ARL15: variants seen among roughly 807,000 people sequenced by gnomAD.
ARL15 encodes the protein ADP-ribosylation factor-like protein 15.
Under a neutral mutation model 25.2 loss-of-function variants are expected in ARL15, and 19 were observed. The ratio of observed to expected loss-of-function variants is 0.75; its 90% CI spans 0.53 to 1.10. The LOEUF (loss-of-function observed/expected upper bound fraction) is 1.10. Among genes scored for constraint, ARL15 ranks in the 50% least tolerant of loss-of-function variants. The pLI, the probability that ARL15 is intolerant of heterozygous loss-of-function variation, is 0.00. For synonymous variants in ARL15, 94 were observed against 86.8 expected, an observed-to-expected ratio of 1.08 and a Z score of -0.46; for missense variants, 220 against 246.0, an observed-to-expected ratio of 0.89 and a Z score of 0.71.
At chr5:53,943,365 T>C (rs1028678678) in intron 4 of ARL15, among the ~76,000 whole-genome samples, 1 of 152,064 alleles carries the variant, frequency 6.6e-6, no homozygotes, top group Non-Finnish European at 1.5e-5. Context: ...GGGAGTGAGG[T>C]CATCCACTGA....
At chr5:54,065,838 T>TATAAA (rs10690793) in intron 4 of ARL15, among the ~76,000 whole-genome samples, 43,592 of 151,906 alleles carry the variant, frequency 0.29, 8,538 homozygotes, top group African/African-American at 0.56. Flanking sequence ...ATACAAATGT[T>TATAAA]ATGAGTTAAA....
At chr5:53,917,415 A>G (rs1017975306) in intron 4 of ARL15, among the ~76,000 whole-genome samples, 1 of 152,182 alleles carries the variant, frequency 6.6e-6, no homozygotes, top group Admixed American at 6.5e-5. Flanking sequence ...TTCTTCAGAA[A>G]TAGAAGCTCA....
chr5:53,959,804 C>G (rs529913902), intron 4 of ARL15, among the ~76,000 whole-genome samples: 11 of 152,254 alleles, frequency 7.2e-5, no homozygotes, highest in Non-Finnish European at 1.3e-4. Flanking sequence ...ACTGGCAACT[C>G]TCCTTCCTTT....
intron 2 of ARL15, among the ~76,000 whole-genome samples, chr5:54,166,974 C>A (rs1754591794): frequency 6.6e-6 from 1 of 152,142 alleles, no homozygotes; most frequent in South Asian, 2.1e-4. Context: ...ACCAGACAAC[C>A]ATCTGAGGTT....
intron 2 of ARL15, among the ~76,000 whole-genome samples, chr5:54,156,310 G>C (rs1404808468): frequency 1.3e-5 from 2 of 152,184 alleles, no homozygotes; most frequent in African/African-American, 2.4e-5. Flanking sequence ...CTGTGAATGT[G>C]GGCAACCTAC....
chr5:54,200,648 C>T (rs568411363), intron 1 of ARL15, among the ~76,000 whole-genome samples: 1 of 152,236 alleles, frequency 6.6e-6, no homozygotes, highest in East Asian at 1.9e-4. Context: ...GTTACCTGTA[C>T]TAGGGTTAGG....
intron 4 of ARL15, among the ~76,000 whole-genome samples, chr5:53,944,275 T>C (rs983368989): frequency 6.6e-6 from 1 of 152,114 alleles, no homozygotes; most frequent in Non-Finnish European, 1.5e-5. Context: ...GTTAAACAGC[T>C]TGAGCAAGAG....
chr5:54,271,340 C>A (rs1441316857), intron 1 of ARL15, among the ~76,000 whole-genome samples: 1 of 152,172 alleles, frequency 6.6e-6, no homozygotes, highest in Non-Finnish European at 1.5e-5. Context: ...GTATCAAAAT[C>A]CACAGATTCT....
intron 1 of ARL15, among the ~76,000 whole-genome samples, chr5:54,195,182 T>C (rs531629188): frequency 3.9e-5 from 6 of 152,304 alleles, no homozygotes; most frequent in African/African-American, 1.4e-4. Flanking sequence ...TAATGTACTA[T>C]GTACTTCACT....
chr5:53,893,729 A>G (rs956989005), intron 4 of ARL15, among the ~76,000 whole-genome samples: 2 of 152,242 alleles, frequency 1.3e-5, no homozygotes, highest in Non-Finnish European at 2.9e-5. Context: ...ACAGAGGCTC[A>G]TGAAGCCAGC....
At chr5:54,274,196 G>A (rs1310207450) in intron 1 of ARL15, among the ~76,000 whole-genome samples, 2 of 152,008 alleles carry the variant, frequency 1.3e-5, no homozygotes, top group African/African-American at 4.8e-5. Context: ...GCAGGTTTAG[G>A]GGCAGCAAGA....
At chr5:54,130,659 A>T (rs1254212981) in intron 3 of ARL15, among the ~76,000 whole-genome samples, 1 of 152,220 alleles carries the variant, frequency 6.6e-6, no homozygotes, top group Non-Finnish European at 1.5e-5. Flanking sequence ...ATTATTCTTC[A>T]AAAGTATCAT....
At position 54,113,430 on chromosome 5, in the gene ARL15, T is replaced by C. The variant is rs1752801553; in HGVS notation, c.254-20A>G. On this transcript the variant is annotated intron_variant, in intron 3 of 4. Transcript: ENST00000504924. ...CAGCCCCTGTCAAAAACAAAACAAA[T>C]TTTCGTTTTAAAAAGAGCTTTCAGC... 1.2e-6 allele frequency: 2 copies of C among 1,604,248 alleles called. No homozygotes were observed. The highest frequency in any genetic ancestry group is 1.1e-5 in the South Asian group (1 of 89,210).
intron 4 of ARL15, among the ~76,000 whole-genome samples, chr5:53,905,217 T>A (rs1203279444): frequency 6.6e-6 from 1 of 152,198 alleles, no homozygotes; most frequent in East Asian, 1.9e-4. Context: ...CATAAAAGCA[T>A]GTCCACTGTC....
At chr5:54,164,342 T>G in intron 2 of ARL15, among the ~76,000 whole-genome samples, 1 of 152,084 alleles carries the variant, frequency 6.6e-6, no homozygotes, top group African/African-American at 2.4e-5. Context: ...TGTCTTCTGT[T>G]GTTGGGTGGA....
intron 1 of ARL15, among the ~76,000 whole-genome samples, chr5:54,194,660 A>G (rs1224359902): frequency 4.3e-4 from 65 of 152,192 alleles, no homozygotes; most frequent in Non-Finnish European, 8.8e-5. Context: ...AAAAAGAAAC[A>G]TATAGCTTTG....
intron 4 of ARL15, among the ~76,000 whole-genome samples, chr5:53,991,017 T>G (rs1748471918): frequency 6.6e-6 from 1 of 152,214 alleles, no homozygotes; most frequent in South Asian, 2.1e-4. Flanking sequence ...AGTCTTTTCA[T>G]ATAGTCTAAT....
chr5:54,027,295 A>G (rs1238432914), intron 4 of ARL15, among the ~76,000 whole-genome samples: 1 of 152,158 alleles, frequency 6.6e-6, no homozygotes, highest in Non-Finnish European at 1.5e-5. Context: ...CTGTGCTTAT[A>G]GAAAGTTTTT....
At chr5:53,918,238 C>T (rs116425756) in intron 4 of ARL15, among the ~76,000 whole-genome samples, 3,255 of 152,168 alleles carry the variant, frequency 0.021, 47 homozygotes, top group Non-Finnish European at 0.03. Context: ...CAGGCTGGAG[C>T]GCAGTGGTGT....
Sources: allele counts gnomAD v4.1 joint callset (sites outside exome capture counted in the v4.1 genomes callset), GRCh38; gene constraint gnomAD v4.1.1; transcripts MANE v1.5; gene names NCBI Gene and HGNC (gene_info 2026-07-23, HGNC 2026-07-21).